Variants in DTNA observed in about 807,000 individuals in gnomAD.
The protein encoded by DTNA is dystrobrevin alpha.
A neutral mutation model predicts 100.7 loss-of-function variants in DTNA; 43 were observed. That is an observed-to-expected ratio of 0.43 (90% CI 0.33 to 0.55). The LOEUF (loss-of-function observed/expected upper bound fraction) is 0.55, where lower values mean the gene tolerates loss of function less well. DTNA is among the 20% of genes least tolerant of loss of function. DTNA has a pLI of 0.04. For synonymous variants in DTNA, 349 were observed against 347.9 expected (o/e 1.00, Z -0.04); for missense variants, 798 against 953.9 (o/e 0.84, Z 2.15).
At chr18:34,558,819 T>A (rs184917261) in intron 1 of DTNA, among the ~76,000 whole-genome samples, 1 of 152,142 alleles carries the variant, frequency 6.6e-6, no homozygotes, top group African/African-American at 2.4e-5. Flanking sequence ...TGTGCTGTTA[T>A]TGAGGAACAA....
Position 34,875,327 on chromosome 18 carries a change from CCA to C in DTNA, c.1834_1835del (p.Thr612ProfsTer31). 6.2e-7 allele frequency: 1 copy of C among 1,614,196 alleles called. No homozygotes were observed. The highest frequency in any genetic ancestry group is 8.5e-7 in the Non-Finnish European group (1 of 1,180,030). ...CCCATCCGGTCAGCGTCAGCCTGCT[CCA>C]CCCCGACGCACACGCCGCAGGACTC... is the stretch of plus-strand genomic sequence containing the variant. On this transcript the variant is annotated frameshift_variant, in exon 18 of 23. Transcript: ENST00000444659.
rs151099639 is a variant in DTNA, at chr18:34,745,385, G to A, written c.-1-10591G>A. Among the ~76,000 whole-genome samples, 131 of 152,090 alleles carry A rather than the reference G, an allele frequency of 8.6e-4. 1 individual carries two copies. The highest frequency in any genetic ancestry group is 3.1e-3 in the African/African-American group (129 of 41,368). ...TAGCCCATGGCCATTAGCAGCCCCA[G>A]TAATTTTTCTCAACACATTAGAATT... is the stretch of plus-strand genomic sequence containing the variant. On this transcript the variant is annotated intron_variant, in intron 1 of 22. Transcript: ENST00000444659.
intron 15 of DTNA, among the ~76,000 whole-genome samples, chr18:34,855,255 T>C (rs1304234848): frequency 1.3e-5 from 2 of 152,226 alleles, no homozygotes; most frequent in African/African-American, 4.8e-5. Context: ...AATTCTATCC[T>C]GTTATGATGG....
At chr18:34,580,972 G>A (rs986969690) in intron 1 of DTNA, among the ~76,000 whole-genome samples, 3 of 152,178 alleles carry the variant, frequency 2.0e-5, no homozygotes, top group Non-Finnish European at 2.9e-5. Flanking sequence ...AAGGCTGGGC[G>A]CGGTGGCTCA....
Position 34,890,380 on chromosome 18 carries a change from T to C in DTNA, c.*2646T>C, listed in dbSNP as rs544029767. ...AATGGCGTGTGTTATTTTGGGGTTT[T>C]GTGTTTTTTGGTGGGTTTCTTTCCT... On this transcript the variant is annotated 3_prime_UTR_variant, in exon 23 of 23. Transcript: ENST00000444659. 6.9e-5 allele frequency: 106 copies of C among 1,536,048 alleles called. No homozygotes were observed. Among genetic ancestry groups the C allele is most frequent in the Non-Finnish European group, 8.5e-5 (97 of 1,146,914 alleles).
At chr18:34,853,835 A>G (rs1050473815) in intron 15 of DTNA, among the ~76,000 whole-genome samples, 3 of 152,192 alleles carry the variant, frequency 2.0e-5, no homozygotes, top group Admixed American at 1.3e-4. Context: ...AAAATTACCT[A>G]TTCTATTTTA....
chr18:34,885,644 C>T (rs1017453534), intron 22 of DTNA, among the ~76,000 whole-genome samples: 2 of 152,170 alleles, frequency 1.3e-5, no homozygotes, highest in Non-Finnish European at 2.9e-5. Context: ...TATGTATCAC[C>T]ACAGAAGAGG....
At chr18:34,738,732 G>A (rs1480428) in intron 1 of DTNA, among the ~76,000 whole-genome samples, 37,748 of 151,932 alleles carry the variant, frequency 0.25, 5,981 homozygotes, top group African/African-American at 0.45. Flanking sequence ...ATGCCAGTCT[G>A]CTTAGTCATG....
intron 1 of DTNA, among the ~76,000 whole-genome samples, chr18:34,713,433 G>T (rs1171739417): frequency 6.6e-6 from 1 of 152,108 alleles, no homozygotes; most frequent in East Asian, 1.9e-4. Flanking sequence ...CATCAAAAAT[G>T]ATTAAACTTA....
intron 1 of DTNA, among the ~76,000 whole-genome samples, chr18:34,703,377 T>G (rs761426359): frequency 6.6e-6 from 1 of 152,216 alleles, no homozygotes; most frequent in Admixed American, 6.5e-5. Context: ...AAAAACGTAC[T>G]ATGGTAGCTT....
intron 1 of DTNA, among the ~76,000 whole-genome samples, chr18:34,523,804 A>G (rs996239385): frequency 1.3e-5 from 2 of 152,330 alleles, no homozygotes; most frequent in Middle Eastern, 3.4e-3. Flanking sequence ...GACAATATCT[A>G]GTGATGGCTT....
intron 1 of DTNA, chr18:34,513,577 G>T (rs2041303237): frequency 6.6e-6 from 1 of 152,108 alleles, no homozygotes; most frequent in African/African-American, 2.4e-5. Flanking sequence ...TGTGAGACTG[G>T]AGGAAGATGA....
intron 1 of DTNA, among the ~76,000 whole-genome samples, chr18:34,669,310 C>G (rs2076404511): frequency 6.6e-6 from 1 of 152,096 alleles, no homozygotes; most frequent in Non-Finnish European, 1.5e-5. Context: ...TATTTTGAGC[C>G]TATGTGTGTC....
chr18:34,849,974 C>T (rs1485241858), intron 14 of DTNA, among the ~76,000 whole-genome samples: 1 of 152,250 alleles, frequency 6.6e-6, no homozygotes, highest in Non-Finnish European at 1.5e-5. Flanking sequence ...ATTCTCCAGT[C>T]TTGTTCCATT....
chr18:34,510,697 G>A (rs73424154), intron 1 of DTNA, among the ~76,000 whole-genome samples: 3 of 150,510 alleles, frequency 2.0e-5, no homozygotes, highest in Admixed American at 6.7e-5. Context: ...CATCTGGGGG[G>A]TTTGTTAAAA....
At chr18:34,722,040 A>G (rs2085450350) in intron 1 of DTNA, among the ~76,000 whole-genome samples, 1 of 151,660 alleles carries the variant, frequency 6.6e-6, no homozygotes, top group Admixed American at 6.6e-5. Flanking sequence ...CTTTCCTTAT[A>G]CTCCTTCCTA....
intron 16 of DTNA, among the ~76,000 whole-genome samples, chr18:34,862,491 TA>T (rs2096642043): frequency 1.3e-5 from 2 of 151,912 alleles, no homozygotes; most frequent in Admixed American, 1.3e-4. Flanking sequence ...TTATAAATTT[TA>T]AATTCATAAT....
intron 1 of DTNA, among the ~76,000 whole-genome samples, chr18:34,718,330 A>G (rs1479703750): frequency 6.6e-6 from 1 of 152,232 alleles, no homozygotes; most frequent in Non-Finnish European, 1.5e-5. Flanking sequence ...AAATCTTAAC[A>G]TTCTTTGATT....
chr18:34,696,024 G>A (rs2080483740), intron 1 of DTNA, among the ~76,000 whole-genome samples: 1 of 152,176 alleles, frequency 6.6e-6, no homozygotes, highest in Admixed American at 6.6e-5. Flanking sequence ...CAGACTGATA[G>A]CAGGATGGTA....
Sources: gnomAD v4.1 joint callset for allele counts (sites outside exome capture counted in the v4.1 genomes callset) on GRCh38, gnomAD v4.1.1 for gene constraint, MANE v1.5 for transcripts, NCBI Gene and HGNC (gene_info 2026-07-23, HGNC 2026-07-21) for gene names.